Variants in OPHN1 observed in about 807,000 individuals in gnomAD.
The protein encoded by OPHN1 is oligophrenin-1.
A neutral mutation model predicts 60.7 loss-of-function variants in OPHN1; 11 were observed. The ratio of observed to expected loss-of-function variants is 0.18; its 90% CI spans 0.11 to 0.30. The LOEUF is 0.30. OPHN1 is among the 10% of genes least tolerant of loss of function. OPHN1 has a pLI of 1.00. For synonymous variants in OPHN1, 226 were observed against 222.6 expected (o/e 1.02, Z -0.14); for missense variants, 449 against 611.0 (o/e 0.73, Z 2.80).
intron 19 of OPHN1, among the ~76,000 whole-genome samples, chrX:68,084,338 G>T (rs1404727627): frequency 2.7e-5 from 2 of 73,199 alleles, no homozygotes; most frequent in Non-Finnish European, 5.2e-5. Flanking sequence ...GAGGGGGGAG[G>T]GAGAGAGGGG....
chrX:68,187,148 G>A (rs1253123434), intron 15 of OPHN1, among the ~76,000 whole-genome samples: 2 of 111,918 alleles, frequency 1.8e-5, no homozygotes, highest in African/African-American at 6.5e-5. Context: ...ATCAGAGGGA[G>A]TGTCCTAAAA....
chrX:68,074,523 T>G (rs1888933844), intron 19 of OPHN1, among the ~76,000 whole-genome samples: 1 of 111,096 alleles, frequency 9.0e-6, no homozygotes, highest in Non-Finnish European at 1.9e-5. Flanking sequence ...ATACATGAGG[T>G]CGTTGCACTG....
At chrX:68,419,319 C>T (rs988483661) in intron 2 of OPHN1, among the ~76,000 whole-genome samples, 6 of 109,081 alleles carry the variant, frequency 5.5e-5, no homozygotes, top group Admixed American at 2.0e-4. Flanking sequence ...ACTCTGCTAG[C>T]GTGGCCATCC....
chrX:68,338,835 G>T (rs1448839989), intron 2 of OPHN1, among the ~76,000 whole-genome samples: 1 of 110,659 alleles, frequency 9.0e-6, no homozygotes, highest in East Asian at 2.9e-4. Flanking sequence ...AACATTCTGG[G>T]AGGCCAAGGC....
chrX:68,191,888 G>T (rs2077489392), intron 15 of OPHN1, among the ~76,000 whole-genome samples: 1 of 111,410 alleles, frequency 9.0e-6, no homozygotes, highest in South Asian at 3.8e-4. Context: ...AGCTTAAAAA[G>T]AAGACTCAAA....
chrX:68,261,205 A>G (rs947866937), intron 5 of OPHN1, among the ~76,000 whole-genome samples: 2 of 111,568 alleles, frequency 1.8e-5, no homozygotes, highest in African/African-American at 6.5e-5. Context: ...ACCACAAAAA[A>G]GCTCAATTCA....
intron 5 of OPHN1, among the ~76,000 whole-genome samples, chrX:68,258,857 A>G (rs1190694822): frequency 9.0e-6 from 1 of 111,655 alleles, no homozygotes; most frequent in African/African-American, 3.3e-5. Context: ...TAGAGACACA[A>G]TACACACTTG....
chrX:68,171,226 ATG>A (rs1300508089), intron 15 of OPHN1, among the ~76,000 whole-genome samples: 1 of 111,211 alleles, frequency 9.0e-6, no homozygotes. Flanking sequence ...AAAAGATCTC[ATG>A]TAACTCATAA....
At chrX:68,176,988 A>ATATATATATATC (rs1286361248) in intron 15 of OPHN1, among the ~76,000 whole-genome samples, 2 of 107,749 alleles carry the variant, frequency 1.9e-5, no homozygotes, top group Non-Finnish European at 3.8e-5. Flanking sequence ...ATATATATAT[A>ATATATATATATC]TATATGCATA....
At chrX:68,253,083 T>C (rs2077844342) in intron 5 of OPHN1, among the ~76,000 whole-genome samples, 1 of 111,793 alleles carries the variant, frequency 8.9e-6, no homozygotes, top group Non-Finnish European at 1.9e-5. Flanking sequence ...CTAAGTTGTC[T>C]GGATAAATAT....
intron 3 of OPHN1, among the ~76,000 whole-genome samples, chrX:68,291,033 A>G (rs1896513872): frequency 8.9e-6 from 1 of 111,893 alleles, no homozygotes; most frequent in Non-Finnish European, 1.9e-5. Flanking sequence ...ACTTTTTTTA[A>G]TGAAAACTGC....
rs1422326946 is a variant in OPHN1, at chrX:68,401,127, A to G, written c.154+31740T>C. Among the ~76,000 whole-genome samples the G allele has an allele frequency of 4.5e-5, 5 of 111,708 alleles. No homozygotes were observed. The Admixed American group carries it at 4.8e-4, about 11-fold the overall frequency. On this transcript the variant is annotated intron_variant, in intron 2 of 24. Coordinates refer to ENST00000355520, the MANE Select transcript of OPHN1 (RefSeq NM_002547.3). Reference sequence around the variant, plus strand: ...CACCACCTTCAACATTGGGGATTACAATTCAACATGGGATTTGGGTGAGGA... The same window carrying G: ...CACCACCTTCAACATTGGGGATTACGATTCAACATGGGATTTGGGTGAGGA...
At chrX:68,378,590 A>C (rs761504047) in intron 2 of OPHN1, among the ~76,000 whole-genome samples, 2 of 111,783 alleles carry the variant, frequency 1.8e-5, no homozygotes, top group Non-Finnish European at 3.8e-5. Context: ...TCTTTAATCC[A>C]TCTTGAATTA....
chrX:68,432,848 A>G lies in OPHN1; in HGVS notation c.154+19T>C. 1 of 1,209,209 alleles carries G rather than the reference A, an allele frequency of 8.3e-7. No individual in the cohort carries two copies. Among genetic ancestry groups the G allele is most frequent in the Non-Finnish European group, 1.1e-6 (1 of 893,169 alleles). Reference sequence around the variant, plus strand: ...ACACACCAGCTCAGAGAAACAGCTCATCGAAGCCTTGCACTTACTTCTCAT... The same window carrying G: ...ACACACCAGCTCAGAGAAACAGCTCGTCGAAGCCTTGCACTTACTTCTCAT... On this transcript the variant is annotated intron_variant, in intron 2 of 24. Transcript: ENST00000355520.
At chrX:68,260,637 A>G (rs2077888580) in intron 5 of OPHN1, among the ~76,000 whole-genome samples, 1 of 111,628 alleles carries the variant, frequency 9.0e-6, no homozygotes. Context: ...TAAACCAAGT[A>G]CCTAGTACAT....
chrX:68,196,691 T>G (rs973326632), intron 12 of OPHN1, among the ~76,000 whole-genome samples: 1 of 112,071 alleles, frequency 8.9e-6, no homozygotes, highest in African/African-American at 3.2e-5. Flanking sequence ...AGGATGGCAA[T>G]GCCATCTCCG....
intron 2 of OPHN1, among the ~76,000 whole-genome samples, chrX:68,429,685 T>G (rs1248169135): frequency 9.0e-6 from 1 of 111,444 alleles, no homozygotes; most frequent in Non-Finnish European, 1.9e-5. Flanking sequence ...ATTGTGCCAC[T>G]GTACTCCAGC....
chrX:68,433,804 CA>C (rs2078898399), upstream of OPHN1: 1 of 296,263 alleles, frequency 3.4e-6, no homozygotes, highest in Non-Finnish European at 5.9e-6. Flanking sequence ...GCGCGACGCA[CA>C]ATAGCCGCGG....
At chrX:68,125,180 G>A (rs1466966755) in intron 15 of OPHN1, among the ~76,000 whole-genome samples, 1 of 111,297 alleles carries the variant, frequency 9.0e-6, no homozygotes, top group African/African-American at 3.3e-5. Context: ...TAAAACGTAT[G>A]GGATACAGTA....
Sources: allele counts gnomAD v4.1 joint callset (sites outside exome capture counted in the v4.1 genomes callset), GRCh38; gene constraint gnomAD v4.1.1; transcripts MANE v1.5; gene names NCBI Gene and HGNC (gene_info 2026-07-23, HGNC 2026-07-21).